GAS2: variants seen among roughly 807,000 people sequenced by gnomAD.
The protein encoded by GAS2 is growth arrest-specific protein 2.
GAS2 carries 20 observed loss-of-function variants against 37.5 expected under a neutral mutation model. That is an observed-to-expected ratio of 0.53 (90% CI 0.37 to 0.77). The LOEUF (loss-of-function observed/expected upper bound fraction) is 0.77. GAS2 is among the 30% of genes least tolerant of loss of function. The pLI is 0.00. For synonymous variants in GAS2, 144 were observed against 132.2 expected, an observed-to-expected ratio of 1.09 and a Z score of -0.61; for missense variants, 336 against 373.4, an observed-to-expected ratio of 0.90 and a Z score of 0.82.
chr11:22,767,961 G>T (rs749494788), intron 7 of GAS2, among the ~76,000 whole-genome samples: 3 of 151,868 alleles, frequency 2.0e-5, no homozygotes, highest in African/African-American at 7.3e-5. Flanking sequence ...CAGTAAAAAC[G>T]CATAATCTTG....
intron 6 of GAS2, among the ~76,000 whole-genome samples, chr11:22,750,986 C>T (rs1853695901): frequency 6.6e-6 from 1 of 151,884 alleles, no homozygotes; most frequent in African/African-American, 2.4e-5. Flanking sequence ...GAGATTGCTT[C>T]CTGGTATTTG....
At chr11:22,646,551 G>A (rs1431981560) in intron 1 of GAS2, among the ~76,000 whole-genome samples, 1 of 152,170 alleles carries the variant, frequency 6.6e-6, no homozygotes, top group African/African-American at 2.4e-5. Flanking sequence ...ATACCCAGAT[G>A]ACAGGGAGTT....
chr11:22,651,291 G>A (rs1431567282), intron 1 of GAS2, among the ~76,000 whole-genome samples: 18 of 152,210 alleles, frequency 1.2e-4, no homozygotes, highest in African/African-American at 4.3e-4. Context: ...GAGATCCGCT[G>A]TTAGTCTGAT....
At chr11:22,681,368 C>A (rs1849677183) in intron 2 of GAS2, among the ~76,000 whole-genome samples, 1 of 152,124 alleles carries the variant, frequency 6.6e-6, no homozygotes, top group South Asian at 2.1e-4. Context: ...AATATTTAAT[C>A]AAATTTCCTG....
Position 22,650,728 on chromosome 11 carries a change from C to A in GAS2, c.-20-24122C>A, listed in dbSNP as rs888395070. 6.6e-4 allele frequency among the ~76,000 whole-genome samples: 101 copies of A among 152,146 alleles called. 1 individual carries two copies. The highest frequency in any genetic ancestry group is 2.2e-4 in the Non-Finnish European group (15 of 68,038). Reference sequence around the variant, plus strand: ...GGTTTAAAGTCTGTTTTGTCAGAGACTAGAATTGCAACCCCTGCCTTTTTC... The same window carrying A: ...GGTTTAAAGTCTGTTTTGTCAGAGAATAGAATTGCAACCCCTGCCTTTTTC... On this transcript the variant is annotated intron_variant, in intron 1 of 5. Coordinates refer to the GAS2 transcript ENST00000528582.
At chr11:22,697,022 C>G (rs1344984487) in intron 3 of GAS2, among the ~76,000 whole-genome samples, 1 of 151,516 alleles carries the variant, frequency 6.6e-6, no homozygotes, top group Non-Finnish European at 1.5e-5. Flanking sequence ...CTTGCCCATG[C>G]CTATGTCCTG....
chr11:22,789,425 G>GT (rs1856010278), intron 7 of GAS2, among the ~76,000 whole-genome samples: 12 of 30,654 alleles, frequency 3.9e-4, no homozygotes, highest in African/African-American at 1.1e-3. Context: ...TCTCATATGA[G>GT]ATATATATAT....
intron 7 of GAS2, among the ~76,000 whole-genome samples, chr11:22,787,565 A>G (rs1011357207): frequency 1.3e-5 from 2 of 151,980 alleles, no homozygotes; most frequent in African/African-American, 4.8e-5. Context: ...TGACAAGTAG[A>G]TTTATTCCGA....
chr11:22,706,607 A>G (rs1851136129), intron 3 of GAS2, among the ~76,000 whole-genome samples: 1 of 151,890 alleles, frequency 6.6e-6, no homozygotes, highest in African/African-American at 2.4e-5. Flanking sequence ...TCCTTGCGAT[A>G]GTTTACTGAG....
chr11:22,686,417 A>AC (rs1849953112), intron 3 of GAS2, among the ~76,000 whole-genome samples: 1 of 151,858 alleles, frequency 6.6e-6, no homozygotes, highest in Non-Finnish European at 1.5e-5. Flanking sequence ...AGATATAAAA[A>AC]ATATTAAAAT....
intron 7 of GAS2, among the ~76,000 whole-genome samples, chr11:22,792,432 G>A (rs1389433495): frequency 6.6e-6 from 1 of 152,138 alleles, no homozygotes; most frequent in African/African-American, 2.4e-5. Context: ...TGAGAGAATA[G>A]AAATATAAAA....
At chr11:22,810,744 A>C (rs1386198214) in intron 7 of GAS2, among the ~76,000 whole-genome samples, 1 of 152,186 alleles carries the variant, frequency 6.6e-6, no homozygotes, top group Admixed American at 6.5e-5. Context: ...ACCTTTATCA[A>C]AACCTACATG....
At chr11:22,709,380 G>A (rs976633074) in intron 3 of GAS2, among the ~76,000 whole-genome samples, 1 of 152,030 alleles carries the variant, frequency 6.6e-6, no homozygotes, top group Non-Finnish European at 1.5e-5. Flanking sequence ...AAATGTAATT[G>A]AAAGTAGACA....
chr11:22,653,041 C>CTTTCTTTCTTTCTTTCTTTCTCTTTT (rs1848812350), intron 1 of GAS2, among the ~76,000 whole-genome samples: 1 of 137,194 alleles, frequency 7.3e-6, no homozygotes, highest in South Asian at 2.3e-4. Flanking sequence ...CTTTCTCTTT[C>CTTTCTTTCTTTCTTTCTTTCTCTTTT]TTTCTTTCTT....
chr11:22,659,637 C>T (rs545995641), intron 1 of GAS2, among the ~76,000 whole-genome samples: 1 of 152,170 alleles, frequency 6.6e-6, no homozygotes, highest in Non-Finnish European at 1.5e-5. Flanking sequence ...TGGGGCAGCT[C>T]ATCTGGCTTG....
intron 1 of GAS2, among the ~76,000 whole-genome samples, chr11:22,642,977 A>C (rs1047274820): frequency 6.6e-6 from 1 of 152,150 alleles, no homozygotes; most frequent in Admixed American, 6.6e-5. Flanking sequence ...CTTATTGCTC[A>C]GTGCATAGAG....
intron 7 of GAS2, among the ~76,000 whole-genome samples, chr11:22,781,665 T>C (rs1031158865): frequency 6.6e-6 from 1 of 152,142 alleles, no homozygotes; most frequent in Non-Finnish European, 1.5e-5. Flanking sequence ...TAGTCTGTGT[T>C]TGGAGCTAAA....
At chr11:22,683,411 A>G (rs400862) in intron 2 of GAS2, among the ~76,000 whole-genome samples, 55,552 of 151,566 alleles carry the variant, frequency 0.37, 11,103 homozygotes, top group African/African-American at 0.55. Flanking sequence ...AATTACAGGC[A>G]TGTGCCACAA....
At chr11:22,801,178 A>G (rs1025805635) in intron 7 of GAS2, among the ~76,000 whole-genome samples, 2 of 152,018 alleles carry the variant, frequency 1.3e-5, no homozygotes, top group African/African-American at 2.4e-5. Flanking sequence ...TTGCTAAACT[A>G]CATAACTAAG....
Sources: gnomAD v4.1 joint callset for allele counts (sites outside exome capture counted in the v4.1 genomes callset) on GRCh38, gnomAD v4.1.1 for gene constraint, MANE v1.5 for transcripts, NCBI Gene and HGNC (gene_info 2026-07-23, HGNC 2026-07-21) for gene names.